The following FHIT variants were observed in gnomAD, a reference collection of about 807,000 sequenced individuals.
The protein encoded by FHIT is fragile histidine triad diadenosine triphosphatase.
Under a neutral mutation model 17.9 loss-of-function variants are expected in FHIT, and 19 were observed. The observed-to-expected ratio is 1.06, with a 90% CI of 0.74 to 1.56. The LOEUF (loss-of-function observed/expected upper bound fraction) is 1.56, where lower values mean the gene tolerates loss of function less well. Among genes scored for constraint, FHIT ranks in the 40% most tolerant of loss-of-function variants. The pLI is 0.00. For missense variants in FHIT, 248 were observed against 189.2 expected (o/e 1.31, Z -1.82); for synonymous variants, 81 against 69.7 (o/e 1.16, Z -0.81).
At chr3:60,083,759 T>C (rs1703384942) in intron 5 of FHIT, among the ~76,000 whole-genome samples, 1 of 152,206 alleles carries the variant, frequency 6.6e-6, no homozygotes, top group Non-Finnish European at 1.5e-5. Flanking sequence ...TCATATATAA[T>C]ATATAAACAA....
intron 5 of FHIT, among the ~76,000 whole-genome samples, chr3:60,451,543 A>G (rs1347028254): frequency 6.6e-6 from 1 of 152,194 alleles, no homozygotes; most frequent in African/African-American, 2.4e-5. Context: ...ATTTTCCAGA[A>G]GTTGTATGAA....
intron 5 of FHIT, among the ~76,000 whole-genome samples, chr3:60,324,543 A>C (rs1372360119): frequency 1.4e-5 from 2 of 142,416 alleles, no homozygotes; most frequent in African/African-American, 5.4e-5. Flanking sequence ...CAAGATCGCC[A>C]AGCCTGGGTG....
rs117149366 is a variant in FHIT at position 60,620,217 on chromosome 3, T to C, written c.-17-83238A>G. On this transcript the variant is annotated intron_variant, in intron 4 of 9. Transcript: ENST00000492590. The stretch of plus-strand genomic sequence containing the variant: ...CTGTGGATGGGAATGCAAAATGATA[T>C]AGCAACCTCAGAAGACCCGCAATAT... 2.5e-4 allele frequency among the ~76,000 whole-genome samples: 38 copies of C among 152,274 alleles called. No individual in the cohort carries two copies. The East Asian group carries it at 6.8e-3, about 27-fold the overall frequency.
intron 3 of FHIT, among the ~76,000 whole-genome samples, chr3:61,022,478 T>G (rs2107649033): frequency 6.6e-6 from 1 of 152,250 alleles, no homozygotes; most frequent in South Asian, 2.1e-4. Flanking sequence ...AAAGAGGGAC[T>G]CCTCCCTGAC....
Position 60,497,105 on chromosome 3 carries a change from T to C in FHIT, c.103+39755A>G, listed in dbSNP as rs562385861. Among the ~76,000 whole-genome samples the C allele has an allele frequency of 1.1e-3, 172 of 152,268 alleles. 2 individuals carry two copies. The Middle Eastern group carries it at 0.024, about 21-fold the overall frequency. ...CAATATGTGGAGATATTCTTTGTTA[T>C]TCACAACTAGGAGGGGGCATGGTAT... On this transcript the variant is annotated intron_variant, in intron 5 of 9. Coordinates refer to ENST00000492590, the MANE Select transcript of FHIT (RefSeq NM_002012.4).
At chr3:60,529,281 C>T (rs1035452786) in intron 5 of FHIT, among the ~76,000 whole-genome samples, 7 of 151,944 alleles carry the variant, frequency 4.6e-5, no homozygotes, top group Admixed American at 2.0e-4. Context: ...AACACATATA[C>T]GTATTTTGTA....
chr3:60,960,830 C>T (rs922715023), intron 3 of FHIT, among the ~76,000 whole-genome samples: 1 of 152,200 alleles, frequency 6.6e-6, no homozygotes, highest in African/African-American at 2.4e-5. Flanking sequence ...TCCAGTCTAT[C>T]ATTGTTGGAC....
chr3:60,161,989 C>T (rs751747983), intron 5 of FHIT, among the ~76,000 whole-genome samples: 10 of 151,986 alleles, frequency 6.6e-5, no homozygotes, highest in Non-Finnish European at 1.2e-4. Context: ...GTAAACCGGA[C>T]GTTGGAAAGA....
chr3:60,636,117 T>A (rs1362878896), intron 4 of FHIT, among the ~76,000 whole-genome samples: 1 of 151,624 alleles, frequency 6.6e-6, no homozygotes, highest in Admixed American at 6.6e-5. Flanking sequence ...CAGACTGGAG[T>A]GCAGTGGCGC....
intron 3 of FHIT, among the ~76,000 whole-genome samples, chr3:61,000,557 T>C (rs930267716): frequency 1.3e-5 from 2 of 152,272 alleles, no homozygotes; most frequent in Admixed American, 6.5e-5. Context: ...TAGAGTGAAC[T>C]CATTTTTCTC....
At chr3:60,647,539 T>C (rs961695255) in intron 4 of FHIT, among the ~76,000 whole-genome samples, 6 of 152,158 alleles carry the variant, frequency 3.9e-5, no homozygotes, top group African/African-American at 1.4e-4. Flanking sequence ...TTATCCCTGG[T>C]TGTCCTCTCC....
intron 3 of FHIT, among the ~76,000 whole-genome samples, chr3:60,826,606 G>C (rs181837855): frequency 6.6e-6 from 1 of 152,328 alleles, no homozygotes; most frequent in Admixed American, 6.5e-5. Flanking sequence ...GACCATTGGT[G>C]ATTCCTAGCA....
intron 5 of FHIT, among the ~76,000 whole-genome samples, chr3:60,308,897 T>G (rs575359606): frequency 6.6e-6 from 1 of 152,248 alleles, no homozygotes; most frequent in East Asian, 1.9e-4. Context: ...TGAGAATAGC[T>G]CTGAAATTAT....
At chr3:61,213,025 C>A (rs1457921007) in intron 1 of FHIT, among the ~76,000 whole-genome samples, 3 of 152,298 alleles carry the variant, frequency 2.0e-5, no homozygotes, top group African/African-American at 2.4e-5. Flanking sequence ...TGGAAAGGAA[C>A]AACCAGTACC....
chr3:60,569,555 T>C (rs1283534554), intron 4 of FHIT, among the ~76,000 whole-genome samples: 1 of 151,662 alleles, frequency 6.6e-6, no homozygotes, highest in East Asian at 1.9e-4. Flanking sequence ...GACGATATAG[T>C]AGAGGAGAAC....
At chr3:60,932,378 C>CCTG (rs1708001935) in intron 3 of FHIT, among the ~76,000 whole-genome samples, 1 of 151,928 alleles carries the variant, frequency 6.6e-6, no homozygotes, top group South Asian at 2.1e-4. Context: ...CCTTCTCTGC[C>CCTG]CTGCTGGTGG....
intron 5 of FHIT, among the ~76,000 whole-genome samples, chr3:60,154,048 C>A (rs1700579137): frequency 6.6e-6 from 1 of 152,182 alleles, no homozygotes; most frequent in African/African-American, 2.4e-5. Context: ...ATAACGAAGG[C>A]ACCTTCTTTG....
intron 5 of FHIT, among the ~76,000 whole-genome samples, chr3:60,062,307 G>A (rs1249477886): frequency 1.3e-5 from 2 of 152,090 alleles, no homozygotes; most frequent in Admixed American, 6.6e-5. Flanking sequence ...TCTATGCTGT[G>A]GAGTGAAGAA....
intron 3 of FHIT, among the ~76,000 whole-genome samples, chr3:60,913,750 C>T (rs1165532657): frequency 1.3e-5 from 2 of 152,192 alleles, no homozygotes; most frequent in Non-Finnish European, 2.9e-5. Flanking sequence ...GGCTTCCCTT[C>T]ATTCACATGC....
Sources: gnomAD v4.1 joint callset for allele counts (sites outside exome capture counted in the v4.1 genomes callset) on GRCh38, gnomAD v4.1.1 for gene constraint, MANE v1.5 for transcripts, NCBI Gene and HGNC (gene_info 2026-07-23, HGNC 2026-07-21) for gene names.